CSMD1: variants seen among roughly 807,000 people sequenced by gnomAD.
CSMD1 encodes CUB and Sushi multiple domains 1.
A neutral mutation model predicts 417.5 loss-of-function variants in CSMD1; 213 were observed. The ratio of observed to expected loss-of-function variants is 0.51; its 90% CI spans 0.46 to 0.57. The LOEUF (loss-of-function observed/expected upper bound fraction) is 0.57. CSMD1 is among the 20% of genes least tolerant of loss of function. The pLI, the probability that CSMD1 is intolerant of heterozygous loss-of-function variation, is 0.00. For missense variants in CSMD1, 6,923 were observed against 4,529.7 expected (o/e 1.53, Z -15.17); for synonymous variants, 2,862 against 1,736.8 (o/e 1.65, Z -16.11).
chr8:4,524,652 A>C (rs1796420506), intron 2 of CSMD1, among the ~76,000 whole-genome samples: 1 of 140,632 alleles, frequency 7.1e-6, no homozygotes, highest in Non-Finnish European at 1.5e-5. Context: ...AGTCATGTTG[A>C]TGAAATAAAT....
chr8:3,325,775 G>C (rs545545686), intron 23 of CSMD1, among the ~76,000 whole-genome samples: 34 of 152,270 alleles, frequency 2.2e-4, no homozygotes, highest in Non-Finnish European at 1.5e-5. Flanking sequence ...AGTGAGCCGA[G>C]ACTGTACCAC....
At chr8:4,696,754 T>C (rs1263935355) in intron 1 of CSMD1, among the ~76,000 whole-genome samples, 2 of 152,190 alleles carry the variant, frequency 1.3e-5, no homozygotes, top group African/African-American at 4.8e-5. Context: ...GCACCCAACA[T>C]GGGTGTCCAA....
At chr8:3,965,766 T>G (rs1041316281) in intron 5 of CSMD1, among the ~76,000 whole-genome samples, 7 of 152,022 alleles carry the variant, frequency 4.6e-5, no homozygotes, top group Admixed American at 3.9e-4. Context: ...TACAGGCATG[T>G]GACACCACAC....
At chr8:3,571,354 A>T (rs1799935013) in intron 10 of CSMD1, among the ~76,000 whole-genome samples, 1 of 152,162 alleles carries the variant, frequency 6.6e-6, no homozygotes, top group South Asian at 2.1e-4. Context: ...CATCTCCTAC[A>T]TAAAGAAATT....
Position 4,657,215 on chromosome 8 carries a change from T to G in CSMD1, c.86-19657A>C, listed in dbSNP as rs568343196. 2.2e-3 allele frequency among the ~76,000 whole-genome samples: 332 copies of G among 152,154 alleles called. 3 individuals carry two copies. The highest frequency in any genetic ancestry group is 4.1e-3 in the South Asian group (20 of 4,824). ...AAAAGACCTCACAATTTTCCCAAAC[T>G]TTCACACCTGGTTGAGCAGTAGTTT... On this transcript the variant is annotated intron_variant, in intron 1 of 69. Coordinates refer to ENST00000635120, the MANE Select transcript of CSMD1 (RefSeq NM_033225.6).
chr8:4,854,354 T>C (rs1801664868), intron 1 of CSMD1, among the ~76,000 whole-genome samples: 1 of 152,104 alleles, frequency 6.6e-6, no homozygotes. Context: ...CTCATAGTAG[T>C]GATTGAATTC....
At chr8:4,916,444 ATTGT>A (rs1476157933) in intron 1 of CSMD1, among the ~76,000 whole-genome samples, 3 of 152,368 alleles carry the variant, frequency 2.0e-5, no homozygotes, top group East Asian at 1.9e-4. Flanking sequence ...CATGAAATCA[ATTGT>A]TTGTCAGGGA....
chr8:3,736,646 C>G (rs565471239), intron 6 of CSMD1, among the ~76,000 whole-genome samples: 5 of 152,188 alleles, frequency 3.3e-5, no homozygotes, highest in Non-Finnish European at 5.9e-5. Flanking sequence ...TGCCCCAGGT[C>G]TTCCATCACC....
intron 2 of CSMD1, among the ~76,000 whole-genome samples, chr8:4,571,053 G>C (rs1014164753): frequency 6.6e-6 from 1 of 151,956 alleles, no homozygotes; most frequent in Non-Finnish European, 1.5e-5. Context: ...TATTAGTCTG[G>C]CTAGCAGTCT....
intron 2 of CSMD1, among the ~76,000 whole-genome samples, chr8:4,444,480 C>T (rs777533711): frequency 2.0e-5 from 3 of 151,028 alleles, no homozygotes; most frequent in African/African-American, 7.3e-5. Flanking sequence ...CATAAGCAGT[C>T]GCATTCAATT....
At chr8:3,080,572 T>A (rs777815683) in intron 49 of CSMD1, among the ~76,000 whole-genome samples, 8 of 152,184 alleles carry the variant, frequency 5.3e-5, no homozygotes, top group Non-Finnish European at 8.8e-5. Context: ...TTGCGAGCCA[T>A]CAAGGGGTCT....
At chr8:3,457,919 TG>T (rs1193633352) in intron 12 of CSMD1, among the ~76,000 whole-genome samples, 2 of 152,110 alleles carry the variant, frequency 1.3e-5, no homozygotes, top group African/African-American at 4.8e-5. Context: ...GCCATATGGC[TG>T]GAAAAAAATA....
intron 1 of CSMD1, among the ~76,000 whole-genome samples, chr8:4,755,236 T>C (rs745433607): frequency 1.2e-4 from 19 of 152,244 alleles, no homozygotes; most frequent in Non-Finnish European, 2.6e-4. Context: ...TGAGTCTTTG[T>C]TGTTTATACT....
chr8:3,204,612 A>G (rs1277000964), intron 31 of CSMD1, among the ~76,000 whole-genome samples: 2 of 152,182 alleles, frequency 1.3e-5, no homozygotes, highest in Non-Finnish European at 2.9e-5. Flanking sequence ...AGAAGTTTAC[A>G]AAAACACTGG....
intron 7 of CSMD1, among the ~76,000 whole-genome samples, chr8:3,688,090 A>C (rs573367083): frequency 1.3e-5 from 2 of 152,348 alleles, no homozygotes; most frequent in Non-Finnish European, 2.9e-5. Flanking sequence ...AGCAGGCTGG[A>C]AACAATGACC....
At chr8:3,601,588 C>G (rs189025366) in intron 8 of CSMD1, among the ~76,000 whole-genome samples, 4 of 152,194 alleles carry the variant, frequency 2.6e-5, no homozygotes, top group Non-Finnish European at 5.9e-5. Flanking sequence ...TCACCACAAT[C>G]TACTGTAGAA....
intron 43 of CSMD1, among the ~76,000 whole-genome samples, 183 bp downstream of exon 43, chr8:3,109,975 G>A (rs1382952222): frequency 6.6e-6 from 1 of 152,028 alleles, no homozygotes; most frequent in Non-Finnish European, 1.5e-5. Context: ...CTACCATGTA[G>A]CAAAACCCAC....
At chr8:3,272,858 A>G (rs1210159874) in intron 26 of CSMD1, among the ~76,000 whole-genome samples, 2 of 150,550 alleles carry the variant, frequency 1.3e-5, no homozygotes, top group African/African-American at 4.9e-5. Context: ...TTCCAGATAT[A>G]CAATCATGTC....
intron 5 of CSMD1, among the ~76,000 whole-genome samples, chr8:3,759,260 C>CTT (rs1469746275): frequency 3.9e-5 from 6 of 151,924 alleles, no homozygotes; most frequent in African/African-American, 1.2e-4. Context: ...TTAAAAAGAC[C>CTT]AAAACAGAAA....
Sources: allele counts gnomAD v4.1 joint callset (sites outside exome capture counted in the v4.1 genomes callset), GRCh38; gene constraint gnomAD v4.1.1; transcripts MANE v1.5; gene names NCBI Gene and HGNC (gene_info 2026-07-23, HGNC 2026-07-21).